Variants in PDZD2 observed in about 807,000 individuals in gnomAD.
PDZD2 encodes PDZ domain-containing protein 2.
In PDZD2, 90 loss-of-function variants were observed where a neutral mutation model predicts 220.7. The observed-to-expected ratio is 0.41, with a 90% CI of 0.34 to 0.49. PDZD2 has a LOEUF of 0.49. Among genes scored for constraint, PDZD2 ranks in the 20% least tolerant of loss-of-function variants. The pLI, the probability that PDZD2 is intolerant of heterozygous loss-of-function variation, is 0.28. For synonymous variants in PDZD2, 1,375 were observed against 1,450.5 expected, an observed-to-expected ratio of 0.95 and a Z score of 1.18; for missense variants, 3,174 against 3,608.5, an observed-to-expected ratio of 0.88 and a Z score of 3.08.
chr5:32,039,230 C>T (rs1158594752), intron 7 of PDZD2, among the ~76,000 whole-genome samples: 4 of 149,918 alleles, frequency 2.7e-5, no homozygotes, highest in Admixed American at 7.1e-5. Context: ...CTCGGCCTGC[C>T]GAGTGCCTGG....
At chr5:31,886,239 C>A (rs563537780) in intron 2 of PDZD2, among the ~76,000 whole-genome samples, 1 of 152,316 alleles carries the variant, frequency 6.6e-6, no homozygotes, top group East Asian at 1.9e-4. Flanking sequence ...AAAAACAGAT[C>A]AGTGCATATC....
Position 32,002,734 on chromosome 5 carries a change from AC to A in PDZD2, c.1254+2467del, listed in dbSNP as rs1561312598. The stretch of plus-strand genomic sequence containing the variant: ...ACACACCCCACACACCAACACACAC[AC>A]CCCACACACCAACACACACACCCCA... On this transcript the variant is annotated intron_variant, in intron 5 of 24. Transcript: ENST00000438447. 7.4e-5 allele frequency among the ~76,000 whole-genome samples: 7 copies of A among 94,796 alleles called. No individual in the cohort carries two copies. In the South Asian group the frequency reaches 1.8e-3, roughly 25 times the overall value. 62.2% of individuals were successfully genotyped at this position (94,796 alleles called of 152,430 possible).
chr5:32,047,955 C>T (rs953731223), intron 7 of PDZD2, among the ~76,000 whole-genome samples: 2 of 152,100 alleles, frequency 1.3e-5, no homozygotes, highest in African/African-American at 4.8e-5. Context: ...TAATGGTTAC[C>T]CTTGGGTGAA....
At chr5:32,013,905 G>A (rs746301068) in intron 6 of PDZD2, among the ~76,000 whole-genome samples, 7 of 152,238 alleles carry the variant, frequency 4.6e-5, no homozygotes, top group South Asian at 2.1e-4. Context: ...TTGAGTTCTC[G>A]TTGCAGCCCA....
chr5:31,656,343 T>C (rs1345188438), intron 1 of PDZD2, among the ~76,000 whole-genome samples: 1 of 152,180 alleles, frequency 6.6e-6, no homozygotes, highest in East Asian at 1.9e-4. Flanking sequence ...ACACCTGGCA[T>C]TTTTACTTGC....
At chr5:31,798,028 C>G (rs1436109056) in intron 1 of PDZD2, among the ~76,000 whole-genome samples, 1 of 152,042 alleles carries the variant, frequency 6.6e-6, no homozygotes, top group African/African-American at 2.4e-5. Flanking sequence ...TTGAATTAAC[C>G]TTTCACTGGG....
At chr5:31,674,553 G>C (rs1207898526) in intron 1 of PDZD2, among the ~76,000 whole-genome samples, 1 of 152,220 alleles carries the variant, frequency 6.6e-6, no homozygotes, top group East Asian at 1.9e-4. Flanking sequence ...TGGGCAATTA[G>C]AACAGTGAAG....
At chr5:31,862,920 G>T (rs1438690935) in intron 2 of PDZD2, among the ~76,000 whole-genome samples, 1 of 152,096 alleles carries the variant, frequency 6.6e-6, no homozygotes, top group Admixed American at 6.5e-5. Flanking sequence ...ATAGAGACAG[G>T]GTTTCACCAT....
Position 31,798,999 on chromosome 5 carries a change from C to G in PDZD2, c.-250C>G. 3 of 499,084 alleles carry G rather than the reference C, an allele frequency of 6.0e-6. No individual in the cohort carries two copies. The highest frequency in any genetic ancestry group is 1.1e-5 in the Non-Finnish European group (3 of 281,584). The allele number at this position is 499,084 out of a possible 1,614,324, so 30.9% of individuals were successfully genotyped here. ...ATGAACCTGGCAGGGACTTGTTAGACACTTCCTTCCTTCCCTCATTGAGCA... is the reference window on the plus strand; with the variant it reads ...ATGAACCTGGCAGGGACTTGTTAGAGACTTCCTTCCTTCCCTCATTGAGCA... On this transcript the variant is annotated 5_prime_UTR_variant, in exon 2 of 25. Transcript: ENST00000438447.
rs77871743 is a variant in PDZD2, at chr5:32,030,880, C to T, written c.1408-6351C>T. On this transcript the variant is annotated intron_variant, in intron 6 of 24. Transcript: ENST00000438447. Reference sequence around the variant, plus strand: ...AGAGTCCCTCATTTCATGCATTTCTCGGCCCACTTTCATCAGAGCAATGAC... The same window carrying T: ...AGAGTCCCTCATTTCATGCATTTCTTGGCCCACTTTCATCAGAGCAATGAC... Among the ~76,000 whole-genome samples the T allele has an allele frequency of 7.8e-3, 1,187 of 152,276 alleles. 14 individuals carry two copies. Among genetic ancestry groups the T allele is most frequent in the Non-Finnish European group, 0.013 (876 of 68,024 alleles).
chr5:31,649,806 C>T (rs914664963), intron 1 of PDZD2, among the ~76,000 whole-genome samples: 7 of 151,708 alleles, frequency 4.6e-5, no homozygotes, highest in Non-Finnish European at 1.0e-4. Flanking sequence ...GGCATGGTGG[C>T]GCGCGCCTAT....
At chr5:31,799,765 G>A (rs762476103) in intron 2 of PDZD2, 41 bp downstream of exon 2, 15 of 1,368,740 alleles carry the variant, frequency 1.1e-5, no homozygotes, top group East Asian at 9.2e-5. Context: ...GGCTGGACAC[G>A]GGAACCTGGT....
At chr5:32,020,708 G>A (rs1465949139) in intron 6 of PDZD2, among the ~76,000 whole-genome samples, 2 of 150,540 alleles carry the variant, frequency 1.3e-5, no homozygotes, top group Admixed American at 6.6e-5. Flanking sequence ...GCAGTGGCGC[G>A]ATCTCGGCTC....
At position 32,089,952 on chromosome 5, in the gene PDZD2, G is replaced by A. The variant is rs778337748; in HGVS notation, c.6504G>A (p.Ala2168=). 7 of 1,607,166 alleles carry A rather than the reference G, an allele frequency of 4.4e-6. No homozygotes were observed. In the South Asian group the frequency reaches 4.5e-5, roughly 10 times the overall value. The change falls in exon 20 of 25, where the codon GCG becomes GCA. Residue 2168 remains alanine (A), a synonymous_variant. Transcript: ENST00000438447. The stretch of plus-strand genomic sequence containing the variant: ...GATCATTCAGCATGGCAAAACTGGC[G>A]TCCTCCTCCTCCTCCCTTCAAACAG... ...MSRSFSMAKL[A]SSSSSLQTAI... is the part of the protein sequence containing the mutation.
intron 2 of PDZD2, among the ~76,000 whole-genome samples, chr5:31,965,222 G>T (rs548115293): frequency 3.7e-4 from 56 of 152,336 alleles, no homozygotes; most frequent in Non-Finnish European, 7.6e-4. Flanking sequence ...TACAGAGACG[G>T]AGGAGAGCTC....
Position 31,920,295 on chromosome 5 carries a change from AAAAT to A in PDZD2, c.477-62845_477-62842del, listed in dbSNP as rs1019274998. Among the ~76,000 whole-genome samples, 28 of 146,054 alleles carry A rather than the reference AAAAT, an allele frequency of 1.9e-4. No individual in the cohort carries two copies. In the East Asian group the frequency reaches 2.2e-3, roughly 11 times the overall value. On this transcript the variant is annotated intron_variant, in intron 2 of 24. Coordinates refer to ENST00000438447, the MANE Select transcript of PDZD2 (RefSeq NM_178140.4). Reference sequence around the variant, plus strand: ...TGAGACCCGGTTTCAAAAATAAATAAAAATAAATAAATAAATAATTTTTTCTGAG... The same window carrying A: ...TGAGACCCGGTTTCAAAAATAAATAAAAATAAATAAATAATTTTTTCTGAG...
chr5:32,108,420 A>C lies in PDZD2; in HGVS notation c.*285A>C. On this transcript the variant is annotated 3_prime_UTR_variant, in exon 25 of 25. Coordinates refer to ENST00000438447, the MANE Select transcript of PDZD2 (RefSeq NM_178140.4). ...TTTACTGATGGGGATACAAGATGTG[A>C]CACACCCTTCTTTATTTGAAACAAA... 1 of 222,314 alleles carries C rather than the reference A, an allele frequency of 4.5e-6. No homozygotes were observed. The allele number at this position is 222,314 out of a possible 1,614,324, so 13.8% of individuals were successfully genotyped here.
chr5:31,801,959 A>G (rs983062), intron 2 of PDZD2, among the ~76,000 whole-genome samples: 114,446 of 152,048 alleles, frequency 0.75, 43,988 homozygotes, highest in African/African-American at 0.92. Flanking sequence ...ATTCCTTGAT[A>G]TTTTCATTTA....
intron 14 of PDZD2, among the ~76,000 whole-genome samples, chr5:32,065,165 G>A (rs532475711): frequency 1.1e-4 from 17 of 152,046 alleles, no homozygotes; most frequent in African/African-American, 3.4e-4. Context: ...CCAGTGTAGT[G>A]GTGCATACCT....
Sources: gnomAD v4.1 joint callset for allele counts (sites outside exome capture counted in the v4.1 genomes callset) on GRCh38, gnomAD v4.1.1 for gene constraint, MANE v1.5 for transcripts, NCBI Gene and HGNC (gene_info 2026-07-23, HGNC 2026-07-21) for gene names.